The following MVB12B variants were observed in gnomAD, a reference collection of about 807,000 sequenced individuals.
MVB12B encodes ESCRT-I complex subunit MVB12B.
MVB12B carries 16 observed loss-of-function variants against 41.6 expected under a neutral mutation model. That is an observed-to-expected ratio of 0.38 (90% CI 0.26 to 0.58). The LOEUF (loss-of-function observed/expected upper bound fraction) is 0.58. Among genes scored for constraint, MVB12B ranks in the 20% least tolerant of loss-of-function variants. The pLI, the probability that MVB12B is intolerant of heterozygous loss-of-function variation, is 0.62. For missense variants in MVB12B, 274 were observed against 380.2 expected (o/e 0.72, Z 2.32); for synonymous variants, 133 against 139.7 (o/e 0.95, Z 0.34).
At chr9:126,362,957 C>T (rs376518952) in intron 2 of MVB12B, among the ~76,000 whole-genome samples, 14 of 152,184 alleles carry the variant, frequency 9.2e-5, no homozygotes, top group African/African-American at 2.7e-4. Flanking sequence ...GAAGCCGAGG[C>T]GGGGGTATCA....
intron 6 of MVB12B, among the ~76,000 whole-genome samples, chr9:126,401,712 C>T (rs1048939675): frequency 6.6e-5 from 10 of 152,388 alleles, no homozygotes; most frequent in Admixed American, 3.3e-4. Context: ...CCCATCACAT[C>T]ATTGTCAGAA....
intron 7 of MVB12B, among the ~76,000 whole-genome samples, chr9:126,424,318 G>T (rs1350121298): frequency 3.3e-5 from 5 of 152,192 alleles, no homozygotes; most frequent in African/African-American, 1.2e-4. Context: ...TGCCTGCTAA[G>T]GGTGAGACGT....
chr9:126,427,011 TATTGCCACATG>T (rs1177373026), intron 7 of MVB12B: 3 of 152,196 alleles, frequency 2.0e-5, no homozygotes. Flanking sequence ...TTTCCCACAT[TATTGCCACATG>T]AGTGTTAGTC....
At chr9:126,413,371 C>T (rs979945300) in intron 6 of MVB12B, among the ~76,000 whole-genome samples, 5 of 152,050 alleles carry the variant, frequency 3.3e-5, no homozygotes, top group East Asian at 1.9e-4. Context: ...AGCAACTCGC[C>T]GTAGGATTGG....
At position 126,480,467 on chromosome 9, in the gene MVB12B, A is replaced by G. The variant is rs1833503787; in HGVS notation, c.758-902A>G. Among the ~76,000 whole-genome samples the G allele has an allele frequency of 6.6e-6, 1 of 152,206 alleles. No homozygotes were observed. The highest frequency in any genetic ancestry group is 1.5e-5 in the Non-Finnish European group (1 of 68,024). ...GGTTATAATTCATAGAGAAGTGCTC[A>G]CTTACGGAGGCACACCCTGGGTCGT... On this transcript the variant is annotated intron_variant, in intron 7 of 9. Transcript: ENST00000361171. The surrounding 1 kb of genome is among the most constrained non-coding windows in gnomAD (Gnocchi z 4.9).
intron 6 of MVB12B, among the ~76,000 whole-genome samples, chr9:126,404,225 G>C (rs1329787910): frequency 1.2e-4 from 18 of 152,122 alleles, no homozygotes; most frequent in Admixed American, 1.2e-3. Context: ...AAAGTGCTAG[G>C]ACTACAGGCG....
rs2119009464 is a variant in MVB12B, at chr9:126,395,956, G to A, written c.662+259G>A. The A allele has an allele frequency of 1.9e-5, 24 of 1,287,442 alleles. No homozygotes were observed. The highest frequency in any genetic ancestry group is 3.5e-5 in the East Asian group (1 of 28,504). 79.8% of individuals were successfully genotyped at this position (1,287,442 alleles called of 1,614,324 possible). On this transcript the variant is annotated intron_variant, in intron 6 of 9. Coordinates refer to ENST00000361171, the MANE Select transcript of MVB12B (RefSeq NM_033446.3). This position sits in a 1 kb window ranked among gnomAD's most constrained non-coding sequence, Gnocchi z 4.9. Reference sequence around the variant, plus strand: ...TTGCAGATTATGCAACTTAAAATTGGCTCCCTATTCAAAAGAGCTGCTAGC... The same window carrying A: ...TTGCAGATTATGCAACTTAAAATTGACTCCCTATTCAAAAGAGCTGCTAGC...
At chr9:126,430,792 G>C (rs1187239758) in intron 7 of MVB12B, among the ~76,000 whole-genome samples, 1 of 152,180 alleles carries the variant, frequency 6.6e-6, no homozygotes, top group Non-Finnish European at 1.5e-5. Flanking sequence ...GCTGTGAGCA[G>C]TTGCCAAGGT....
intron 7 of MVB12B, among the ~76,000 whole-genome samples, chr9:126,467,206 C>T (rs773247902): frequency 6.6e-5 from 10 of 152,154 alleles, no homozygotes; most frequent in East Asian, 1.9e-4. Context: ...AGGACTCCCC[C>T]GGGTGTTGTA....
intron 4 of MVB12B, among the ~76,000 whole-genome samples, chr9:126,388,805 G>C (rs1461973443): frequency 6.6e-6 from 1 of 152,108 alleles, no homozygotes; most frequent in Non-Finnish European, 1.5e-5. Flanking sequence ...ATCTTTTTCT[G>C]TGCTTGTTGG....
chr9:126,495,912 T>A (rs1833818321), intron 9 of MVB12B, among the ~76,000 whole-genome samples: 1 of 152,124 alleles, frequency 6.6e-6, no homozygotes, highest in South Asian at 2.1e-4. Flanking sequence ...CTTAGACTCA[T>A]TTTCATCATC....
rs1257125115 is a variant in MVB12B at position 126,503,255 on chromosome 9, C to A, written c.952C>A (p.Gln318Lys). The change falls in exon 10 of 10, where the codon CAG becomes AAG. Residue 318 changes from glutamine (Q) to lysine (K), a missense_variant. Transcript: ENST00000361171. ...CCCCACCAGGTGTCAGCAGATCCCG[C>A]AGTCCTGAGGAGCCAGCGGCCACCT... is the stretch of plus-strand genomic sequence containing the variant. The part of the protein sequence containing the change: ...PSPTRCQQIP[Q>K]S 84 of 1,550,138 alleles carry A rather than the reference C, an allele frequency of 5.4e-5. No individual in the cohort carries two copies. The highest frequency in any genetic ancestry group is 7.2e-5 in the Non-Finnish European group (82 of 1,146,832).
At chr9:126,354,855 T>A (rs116017807) in intron 2 of MVB12B, among the ~76,000 whole-genome samples, 1,530 of 152,288 alleles carry the variant, frequency 0.01, 30 homozygotes, top group African/African-American at 0.035. Flanking sequence ...CTTAAAAAAA[T>A]TAGAAACAAA....
At chr9:126,499,776 G>A (rs780947982) in intron 9 of MVB12B, among the ~76,000 whole-genome samples, 60 of 152,272 alleles carry the variant, frequency 3.9e-4, no homozygotes, top group South Asian at 1.2e-3. Flanking sequence ...AAAAAATCCC[G>A]AGGGAGAGAG....
intron 6 of MVB12B, among the ~76,000 whole-genome samples, chr9:126,410,774 T>G (rs1831622923): frequency 6.6e-6 from 1 of 152,164 alleles, no homozygotes; most frequent in African/African-American, 2.4e-5. Flanking sequence ...AGCCACAGTC[T>G]TTTCTTTTTG....
chr9:126,402,945 C>T (rs1313958515), intron 6 of MVB12B, among the ~76,000 whole-genome samples: 1 of 152,224 alleles, frequency 6.6e-6, no homozygotes, highest in Non-Finnish European at 1.5e-5. Flanking sequence ...CAAGTGGCAC[C>T]TTCCAGCCGA....
At chr9:126,435,574 CCTT>C (rs1832450653) in intron 7 of MVB12B, among the ~76,000 whole-genome samples, 1 of 151,980 alleles carries the variant, frequency 6.6e-6, no homozygotes, top group Non-Finnish European at 1.5e-5. Flanking sequence ...AAATGATTTT[CCTT>C]CTTTGCCTTT....
In MVB12B at chr9:126,506,184, T is replaced by C. The variant is rs1302529280; in HGVS notation, c.*2921T>C. On this transcript the variant is annotated 3_prime_UTR_variant, in exon 10 of 10. Transcript: ENST00000361171. ...GAGATGAGAACCCAGTGGGGTCACGTAAAGGAATTGCAGGTCGGTGAGAGG... is the reference window on the plus strand; with the variant it reads ...GAGATGAGAACCCAGTGGGGTCACGCAAAGGAATTGCAGGTCGGTGAGAGG... 6.6e-6 allele frequency: 1 copy of C among 152,576 alleles called. No individual in the cohort carries two copies. The highest frequency in any genetic ancestry group is 2.4e-5 in the African/African-American group (1 of 41,420). 9.5% of individuals were successfully genotyped at this position (152,576 alleles called of 1,614,324 possible). A position where few individuals can be genotyped will look rare whatever the true frequency, so the allele number is the denominator to read the frequency against.
chr9:126,463,027 T>C (rs1261399426), intron 7 of MVB12B, among the ~76,000 whole-genome samples: 2 of 152,294 alleles, frequency 1.3e-5, no homozygotes, highest in Non-Finnish European at 2.9e-5. Context: ...CGCATGTCAG[T>C]TCGGCATCAG....
Sources: gnomAD v4.1 joint callset for allele counts (sites outside exome capture counted in the v4.1 genomes callset) on GRCh38, gnomAD v4.1.1 for gene constraint, Gnocchi (gnomAD v3.1) non-coding constraint, MANE v1.5 for transcripts, NCBI Gene and HGNC (gene_info 2026-07-23, HGNC 2026-07-21) for gene names.